The following NFAT5 variants were observed in gnomAD, a reference collection of about 807,000 sequenced individuals.
The protein encoded by NFAT5 is nuclear factor of activated T-cells 5.
In NFAT5, 31 loss-of-function variants were observed where a neutral mutation model predicts 166.5. The ratio of observed to expected loss-of-function variants is 0.19; its 90% CI spans 0.14 to 0.25. NFAT5 has a LOEUF of 0.25. Ranked by LOEUF, NFAT5 falls within the 10% of genes least tolerant of loss-of-function variation. The pLI is 1.00. For synonymous variants in NFAT5, 612 were observed against 639.7 expected (o/e 0.96, Z 0.65); for missense variants, 1,449 against 1,821.8 (o/e 0.80, Z 3.72).
At position 69,698,047 on chromosome 16, in the gene NFAT5, T is replaced by A. The variant is rs968740881; in HGVS notation, c.*1696T>A. ...TTTCCTTCTTTTTGTTTTGTGATGA[T>A]CTTCCTTTGTTCTTTGAATGTGCTC... On this transcript the variant is annotated 3_prime_UTR_variant, in exon 15 of 15. Transcript: ENST00000349945. The A allele has an allele frequency of 6.6e-6, 1 of 152,324 alleles. No individual in the cohort carries two copies. Among genetic ancestry groups the A allele is most frequent in the Admixed American group, 6.6e-5 (1 of 15,250 alleles). The allele number at this position is 152,324 out of a possible 1,614,324, so 9.4% of individuals were successfully genotyped here. A position where few individuals can be genotyped will look rare whatever the true frequency, so the allele number is the denominator to read the frequency against.
intron 10 of NFAT5, among the ~76,000 whole-genome samples, chr16:69,682,276 G>A (rs893329542): frequency 4.0e-5 from 6 of 149,836 alleles, no homozygotes; most frequent in Non-Finnish European, 7.4e-5. Context: ...TATAAGAAAT[G>A]GGAATGTAAT....
At chr16:69,676,867 A>C (rs1422592805) in intron 9 of NFAT5, 1 of 195,176 alleles carries the variant, frequency 5.1e-6, no homozygotes, top group African/African-American at 2.4e-5. Flanking sequence ...GAGAATAACA[A>C]GTATAGAGAA....
rs570513151 is a variant in NFAT5, at chr16:69,622,446, C to G, written c.128-3957C>G. Among the ~76,000 whole-genome samples, 4 of 152,298 alleles carry G rather than the reference C, an allele frequency of 2.6e-5. No individual in the cohort carries two copies. In the South Asian group the frequency reaches 8.3e-4, roughly 32 times the overall value. ...AAGGAATCCATGCTTCCTATACCTT[C>G]CACTTGACCTTGCATTTTACTTGTT... is the stretch of plus-strand genomic sequence containing the variant. On this transcript the variant is annotated intron_variant, in intron 2 of 14. Transcript: ENST00000349945.
chr16:69,579,906 C>T lies in NFAT5; in HGVS notation c.127+11358C>T, dbSNP rs147109079. ...GAATAATAGACTTATAGAACTGTAA[C>T]GAGGAATGGATGAGTTAATATTTCT... is the stretch of plus-strand genomic sequence containing the variant. On this transcript the variant is annotated intron_variant, in intron 2 of 14. Coordinates refer to ENST00000349945, the MANE Select transcript of NFAT5 (RefSeq NM_138713.4). 2.5e-3 allele frequency among the ~76,000 whole-genome samples: 376 copies of T among 152,050 alleles called. 2 individuals are homozygous for T. The highest frequency in any genetic ancestry group is 5.6e-3 in the South Asian group (27 of 4,816).
chr16:69,588,941 C>CCTTCTTG (rs1313444705), intron 2 of NFAT5, among the ~76,000 whole-genome samples: 2 of 144,536 alleles, frequency 1.4e-5, no homozygotes, highest in Non-Finnish European at 3.0e-5. Flanking sequence ...CATGCAGGGT[C>CCTTCTTG]CTTCTTGGTG....
At chr16:69,585,980 G>T (rs2032036736) in intron 2 of NFAT5, among the ~76,000 whole-genome samples, 1 of 152,114 alleles carries the variant, frequency 6.6e-6, no homozygotes, top group Non-Finnish European at 1.5e-5. Context: ...CCACTGAATT[G>T]TGCACTTAAA....
At chr16:69,659,316 C>T (rs1005894479) in intron 6 of NFAT5, among the ~76,000 whole-genome samples, 2 of 151,770 alleles carry the variant, frequency 1.3e-5, no homozygotes, top group Non-Finnish European at 2.9e-5. Flanking sequence ...GTGGCGGCCA[C>T]CTGTAATCCC....
At chr16:69,570,782 G>A (rs2016383150) in intron 2 of NFAT5, among the ~76,000 whole-genome samples, 2 of 152,198 alleles carry the variant, frequency 1.3e-5, no homozygotes, top group South Asian at 4.1e-4. Context: ...CTGCTAGATT[G>A]GAGTTCATAT....
At chr16:69,690,559 G>A (rs2037506517) in intron 11 of NFAT5, 1 of 152,544 alleles carries the variant, frequency 6.6e-6, no homozygotes, top group African/African-American at 2.4e-5. Context: ...TAAATGCTAA[G>A]AGGAGAGTGT....
At chr16:69,629,482 T>A (rs2034611494) in intron 3 of NFAT5, among the ~76,000 whole-genome samples, 1 of 152,080 alleles carries the variant, frequency 6.6e-6, no homozygotes, top group Non-Finnish European at 1.5e-5. Flanking sequence ...CTCCCATCAA[T>A]AATATATTTT....
chr16:69,671,667 C>T (rs1450993950), intron 9 of NFAT5, among the ~76,000 whole-genome samples: 1 of 152,190 alleles, frequency 6.6e-6, no homozygotes, highest in Non-Finnish European at 1.5e-5. Flanking sequence ...CTGTGCCTGG[C>T]CTAGTGCCTA....
Position 69,692,494 on chromosome 16 carries a change from C to A in NFAT5, c.2669C>A (p.Ser890Tyr). ...AGAGCTGAAAGTGTTCATCCACAGT[C>A]TGAAAACACGTTATCTAATCAACAG... The part of the protein sequence containing the change: ...PGRAESVHPQ[S>Y]ENTLSNQQQQ... Residue 890 changes from serine to tyrosine, a missense_variant, in exon 13 of 15, where the codon TCT becomes TAT. Coordinates refer to ENST00000349945, the MANE Select transcript of NFAT5 (RefSeq NM_138713.4). 1 of 1,614,166 alleles carries A rather than the reference C, an allele frequency of 6.2e-7. No homozygotes were observed. The highest frequency in any genetic ancestry group is 8.5e-7 in the Non-Finnish European group (1 of 1,180,046).
At chr16:69,571,984 G>C (rs71397981) in intron 2 of NFAT5, among the ~76,000 whole-genome samples, 8,919 of 151,946 alleles carry the variant, frequency 0.059, 407 homozygotes, top group Middle Eastern at 0.13. Context: ...GGATGGTCTC[G>C]ATCTCCTGAT....
In NFAT5 at chr16:69,566,135, C is replaced by T. The variant is rs971981700; in HGVS notation, c.-167C>T. Reference sequence around the variant, plus strand: ...TCCCCCTCCACCTCGCCATCGTTTCCTCGGTCCTCGGCCCAGTGGAAGTCA... The same window carrying T: ...TCCCCCTCCACCTCGCCATCGTTTCTTCGGTCCTCGGCCCAGTGGAAGTCA... On this transcript the variant is annotated 5_prime_UTR_variant, in exon 1 of 15. Transcript: ENST00000349945. This position sits in a 1 kb window ranked among gnomAD's most constrained non-coding sequence, Gnocchi z 5.7. 6.8e-4 allele frequency: 398 copies of T among 583,338 alleles called. 1 individual carries two copies. Among genetic ancestry groups the T allele is most frequent in the Non-Finnish European group, 1.5e-4 (49 of 337,856 alleles). 36.1% of individuals were successfully genotyped at this position (583,338 alleles called of 1,614,324 possible).
At chr16:69,653,763 A>C (rs2035772596) in intron 5 of NFAT5, among the ~76,000 whole-genome samples, 1 of 151,916 alleles carries the variant, frequency 6.6e-6, no homozygotes, top group South Asian at 2.1e-4. Context: ...GTAGTGTCGC[A>C]GTTTCACCAT....
In NFAT5 at chr16:69,699,204, C is replaced by T. The variant is rs994886699; in HGVS notation, c.*2853C>T. 6.5e-5 allele frequency: 10 copies of T among 153,280 alleles called. No homozygotes were observed. The Admixed American group carries it at 6.5e-4, about 10-fold the overall frequency. The allele number at this position is 153,280 out of a possible 1,614,324, so 9.5% of individuals were successfully genotyped here. A position where few individuals can be genotyped will look rare whatever the true frequency, so the allele number is the denominator to read the frequency against. ...CTAATTAGGATGATTGTTAATACTG[C>T]ACTGTGGATGAAGTGGCGACTGGCT... is the stretch of plus-strand genomic sequence containing the variant. On this transcript the variant is annotated 3_prime_UTR_variant, in exon 15 of 15. Transcript: ENST00000349945.
chr16:69,663,564 TAAAAAAA>T (rs60161117), intron 7 of NFAT5, among the ~76,000 whole-genome samples: 4 of 92,000 alleles, frequency 4.3e-5, no homozygotes, highest in African/African-American at 1.2e-4. Context: ...CCCATCTCTT[TAAAAAAA>T]AAAAAAAAAA....
Position 69,566,640 on chromosome 16 carries a change from C to T in NFAT5, c.73+266C>T, listed in dbSNP as rs918451497. Among the ~76,000 whole-genome samples, 3 of 151,902 alleles carry T rather than the reference C, an allele frequency of 2.0e-5. No homozygotes were observed. Among genetic ancestry groups the T allele is most frequent in the Non-Finnish European group, 2.9e-5 (2 of 67,908 alleles). On this transcript the variant is annotated intron_variant, in intron 1 of 14. Coordinates refer to ENST00000349945, the MANE Select transcript of NFAT5 (RefSeq NM_138713.4). The surrounding 1 kb of genome is among the most constrained non-coding windows in gnomAD (Gnocchi z 5.7). ...GCCCCCGGGGCTCTGCGGCACCGGT[C>T]GCTTCTAGCCGCTCTCAGCCCGTCC... is the stretch of plus-strand genomic sequence containing the variant.
intron 2 of NFAT5, among the ~76,000 whole-genome samples, chr16:69,621,156 A>T (rs56221028): frequency 0.056 from 8,585 of 152,076 alleles, 268 homozygotes; most frequent in Middle Eastern, 0.11. Context: ...ATGTGAAGAG[A>T]GATGGTTTTG....
Sources: allele counts gnomAD v4.1 joint callset (sites outside exome capture counted in the v4.1 genomes callset), GRCh38; gene constraint gnomAD v4.1.1; non-coding constraint Gnocchi (gnomAD v3.1); transcripts MANE v1.5; gene names NCBI Gene and HGNC (gene_info 2026-07-23, HGNC 2026-07-21).